The following CFAP100 variants were observed in gnomAD, a reference collection of about 807,000 sequenced individuals.
CFAP100 encodes cilia- and flagella-associated protein 100.
In CFAP100, 70 loss-of-function variants were observed where a neutral mutation model predicts 81.5. The observed-to-expected ratio is 0.86, with a 90% CI of 0.71 to 1.05. The LOEUF is 1.05. Among genes scored for constraint, CFAP100 ranks in the 50% least tolerant of loss-of-function variants. The pLI is 0.00. For synonymous variants in CFAP100, 341 were observed against 314.8 expected, an observed-to-expected ratio of 1.08 and a Z score of -0.88; for missense variants, 811 against 776.5, an observed-to-expected ratio of 1.04 and a Z score of -0.53.
At chr3:126,404,268 A>G (rs1354573078) in intron 2 of CFAP100, among the ~76,000 whole-genome samples, 1 of 152,250 alleles carries the variant, frequency 6.6e-6, no homozygotes, top group Non-Finnish European at 1.5e-5. Flanking sequence ...TAAAATAACC[A>G]AAAGAGTCAG....
intron 11 of CFAP100, among the ~76,000 whole-genome samples, chr3:126,423,100 G>A (rs2083357983): frequency 1.3e-5 from 2 of 152,228 alleles, no homozygotes; most frequent in Admixed American, 1.3e-4. Flanking sequence ...GCATGTCAAA[G>A]TGGCTACGGC....
chr3:126,407,022 T>A, intron 2 of CFAP100, 150 bp from the exon 3 acceptor site: 1 of 550,530 alleles, frequency 1.8e-6, no homozygotes, highest in Admixed American at 3.1e-5. Context: ...GTCAGTGTGA[T>A]CTCTGGGATG....
At chr3:126,410,187 C>T (rs543753427) in intron 3 of CFAP100, among the ~76,000 whole-genome samples, 6 of 152,074 alleles carry the variant, frequency 3.9e-5, no homozygotes, top group Admixed American at 1.3e-4. Flanking sequence ...GGCAAAAGAG[C>T]GAGACTCCGT....
intron 2 of CFAP100, among the ~76,000 whole-genome samples, chr3:126,400,717 A>T (rs113313530): frequency 0.11 from 16,572 of 152,078 alleles, 1,173 homozygotes; most frequent in Non-Finnish European, 0.17. Flanking sequence ...GCGCCACTGC[A>T]CTCCAGCCTG....
chr3:126,421,216 C>CT (rs1179389533), intron 11 of CFAP100, among the ~76,000 whole-genome samples: 2 of 152,066 alleles, frequency 1.3e-5, no homozygotes, highest in Admixed American at 1.3e-4. Context: ...GTTGGGCAGG[C>CT]TGGTCTCAAA....
intron 2 of CFAP100, among the ~76,000 whole-genome samples, chr3:126,402,825 G>A (rs375118971): frequency 2.0e-5 from 3 of 151,204 alleles, no homozygotes; most frequent in East Asian, 2.0e-4. Context: ...GTGGTGGGGG[G>A]TGCAGTCCAG....
At chr3:126,406,344 C>CA (rs796849271) in intron 2 of CFAP100, among the ~76,000 whole-genome samples, 3 of 152,178 alleles carry the variant, frequency 2.0e-5, no homozygotes, top group Non-Finnish European at 4.4e-5. Flanking sequence ...TCTTCCCGCT[C>CA]AGTGTTTCAC....
intron 2 of CFAP100, among the ~76,000 whole-genome samples, chr3:126,402,800 A>C (rs2083005373): frequency 7.0e-6 from 1 of 142,438 alleles, no homozygotes; most frequent in African/African-American, 2.6e-5. Context: ...CCAGGAGTTT[A>C]CTGCCTGGGG....
At chr3:126,434,918 G>T (rs1390955420) in intron 15 of CFAP100, among the ~76,000 whole-genome samples, 1 of 152,118 alleles carries the variant, frequency 6.6e-6, no homozygotes, top group Non-Finnish European at 1.5e-5. Context: ...GGGAGTGGAG[G>T]GGGGCAGATG....
chr3:126,435,650 A>G lies in CFAP100; in HGVS notation c.1720A>G (p.Lys574Glu). The change falls in exon 16 of 17, where the codon AAG becomes GAG. Residue 574 changes from lysine to glutamate, a missense_variant and splice_region_variant. Physicochemically the swap from Lys to Glu is moderately conservative, Grantham distance 56. Transcript: ENST00000352312. ...GCGCGCCCAGGCTGAGATCAAGAAG[A>G]AGGTAGGCAGGGTCGCCTTGGGGGG... ...RARAQAEIKK[K>E]RGRTLVCRSR... 1 of 1,610,228 alleles carries G rather than the reference A, an allele frequency of 6.2e-7. No individual in the cohort carries two copies. The highest frequency in any genetic ancestry group is 8.5e-7 in the Non-Finnish European group (1 of 1,177,386).
intron 14 of CFAP100, 78 bp downstream of exon 14, chr3:126,433,282 C>T (rs933496328): frequency 6.5e-7 from 1 of 1,546,528 alleles, no homozygotes; most frequent in African/African-American, 1.4e-5. Flanking sequence ...GCCCTGACAG[C>T]CCTTGGGAAG....
chr3:126,430,160 A>C (rs1208075187), intron 13 of CFAP100, among the ~76,000 whole-genome samples: 1 of 152,182 alleles, frequency 6.6e-6, no homozygotes, highest in Non-Finnish European at 1.5e-5. Context: ...CTTATTTGGG[A>C]ATCTTTAGAC....
intron 2 of CFAP100, among the ~76,000 whole-genome samples, chr3:126,405,011 C>T (rs749509092): frequency 2.8e-4 from 42 of 152,286 alleles, no homozygotes; most frequent in Non-Finnish European, 4.7e-4. Flanking sequence ...TGATGAAATA[C>T]ACATAAAATT....
intron 2 of CFAP100, among the ~76,000 whole-genome samples, chr3:126,406,309 T>C (rs2083062899): frequency 6.6e-6 from 1 of 152,168 alleles, no homozygotes; most frequent in Non-Finnish European, 1.5e-5. Flanking sequence ...CTTGGTATCA[T>C]AGCCCCACCT....
chr3:126,406,974 G>A (rs1233369257), intron 2 of CFAP100, among the ~76,000 whole-genome samples, 198 bp from the exon 3 acceptor site: 11 of 152,220 alleles, frequency 7.2e-5, no homozygotes, highest in Non-Finnish European at 2.9e-5. Context: ...GACTTCTCAG[G>A]CTATTTTCTT....
chr3:126,435,614 C>G lies in CFAP100; in HGVS notation c.1684C>G (p.Arg562Gly). ...QKILQEEHLQ[R>G]ARARAQAEIK... ...GATCCTACAGGAGGAGCATCTGCAG[C>G]GGGCCCGGGCGCGCGCCCAGGCTGA... The change falls in exon 16 of 17, where the codon CGG (arginine) becomes GGG (glycine). Residue 562 changes from arginine to glycine, a missense_variant. Physicochemically the swap from Arg to Gly is moderately radical, Grantham distance 125. Coordinates refer to ENST00000352312, the MANE Select transcript of CFAP100 (RefSeq NM_182628.3). The G allele has an allele frequency of 1.2e-6, 2 of 1,612,302 alleles. No individual in the cohort carries two copies. The highest frequency in any genetic ancestry group is 2.2e-5 in the East Asian group (1 of 44,742).
chr3:126,424,978 G>A (rs1292448592), intron 13 of CFAP100, among the ~76,000 whole-genome samples: 4 of 152,204 alleles, frequency 2.6e-5, no homozygotes, highest in Admixed American at 6.5e-5. Context: ...CCATGCTCCT[G>A]AGCACCCATG....
chr3:126,397,951 G>A (rs1291608156), intron 2 of CFAP100, among the ~76,000 whole-genome samples: 1 of 152,220 alleles, frequency 6.6e-6, no homozygotes, highest in Non-Finnish European at 1.5e-5. Context: ...AGGCCCAAAG[G>A]CCCTGAGGTG....
At chr3:126,426,370 C>A (rs1443917355) in intron 13 of CFAP100, among the ~76,000 whole-genome samples, 1 of 150,970 alleles carries the variant, frequency 6.6e-6, no homozygotes, top group Non-Finnish European at 1.5e-5. Context: ...GGCTGAGGTG[C>A]AAGGATCACT....
Sources: allele counts gnomAD v4.1 joint callset (sites outside exome capture counted in the v4.1 genomes callset), GRCh38; gene constraint gnomAD v4.1.1; transcripts MANE v1.5; gene names NCBI Gene and HGNC (gene_info 2026-07-23, HGNC 2026-07-21).